SFMBT2: variants seen among roughly 807,000 people sequenced by gnomAD.
SFMBT2 encodes Scm like with four mbt domains 2, also known as scm-like with four MBT domains protein 2.
SFMBT2 carries 38 observed loss-of-function variants against 110.1 expected under a neutral mutation model. The ratio of observed to expected loss-of-function variants is 0.35; its 90% CI spans 0.27 to 0.45. SFMBT2 has a LOEUF of 0.45. Ranked by LOEUF, SFMBT2 falls within the 20% of genes least tolerant of loss-of-function variation. SFMBT2 has a pLI of 1.00. For missense variants in SFMBT2, 1,011 were observed against 1,094.9 expected, an observed-to-expected ratio of 0.92 and a Z score of 1.08; for synonymous variants, 425 against 425.4, an observed-to-expected ratio of 1.00 and a Z score of 0.01.
At chr10:7,360,807 G>C (rs1367152330) in intron 4 of SFMBT2, among the ~76,000 whole-genome samples, 1 of 152,164 alleles carries the variant, frequency 6.6e-6, no homozygotes, top group Non-Finnish European at 1.5e-5. Context: ...TGATCAGATA[G>C]AATTCAAAAC....
chr10:7,172,069 G>A lies in SFMBT2; in HGVS notation c.2241C>T (p.Thr747=). ...GGGCCGAGGGCACCTCCGCCGACGA[G>A]GTGTCCGTCTGGTCATCCCGGAGCT... ...GSELRDDQTD[T]SSAEVPSARP... is the part of the protein sequence containing the mutation. The change falls in exon 19 of 21, where the codon ACC becomes ACT. Residue 747 remains threonine (T), a synonymous_variant. Transcript: ENST00000397167. The surrounding 1 kb of genome is among the most constrained non-coding windows in gnomAD (Gnocchi z 4.6). 1 of 1,606,208 alleles carries A rather than the reference G, an allele frequency of 6.2e-7. No homozygotes were observed. The highest frequency in any genetic ancestry group is 2.2e-5 in the East Asian group (1 of 44,572).
chr10:7,252,167 A>G lies in SFMBT2; in HGVS notation c.871-3518T>C, dbSNP rs529183815. Among the ~76,000 whole-genome samples, 9 of 152,186 alleles carry G rather than the reference A, an allele frequency of 5.9e-5. No individual in the cohort carries two copies. The South Asian group carries it at 1.9e-3, about 32-fold the overall frequency. ...TTAGCCAAATCCACACCCATCTTTT[A>G]TCTCATACTCCAAGTCCTCTGGGAA... On this transcript the variant is annotated intron_variant, in intron 7 of 20. Transcript: ENST00000397167.
chr10:7,167,246 C>A (rs1837718592), intron 20 of SFMBT2, among the ~76,000 whole-genome samples: 1 of 152,094 alleles, frequency 6.6e-6, no homozygotes, highest in South Asian at 2.1e-4. Flanking sequence ...CTGTCTCTGA[C>A]TGATGAAAGC....
chr10:7,167,273 A>C (rs1301015007), intron 20 of SFMBT2, among the ~76,000 whole-genome samples: 1 of 152,140 alleles, frequency 6.6e-6, no homozygotes, highest in African/African-American at 2.4e-5. Flanking sequence ...CATAGGTAAA[A>C]TTTTATTTAG....
chr10:7,237,331 G>C (rs542606386), intron 9 of SFMBT2, among the ~76,000 whole-genome samples: 1 of 152,124 alleles, frequency 6.6e-6, no homozygotes, highest in East Asian at 1.9e-4. Context: ...CGTAAAGCAA[G>C]CAAAATGAAT....
chr10:7,349,595 T>A (rs1214624577), intron 4 of SFMBT2, among the ~76,000 whole-genome samples: 1 of 151,498 alleles, frequency 6.6e-6, no homozygotes, highest in African/African-American at 2.4e-5. Context: ...CTAGCTAGGA[T>A]TACAGGTGCC....
intron 7 of SFMBT2, among the ~76,000 whole-genome samples, chr10:7,258,737 C>T (rs929438955): frequency 6.6e-6 from 1 of 152,282 alleles, no homozygotes; most frequent in South Asian, 2.1e-4. Context: ...TGACCTAGTG[C>T]TCAGATGTTC....
rs539521161 is a variant in SFMBT2 at position 7,184,625 on chromosome 10, G to C, written c.1808+3999C>G. On this transcript the variant is annotated intron_variant, in intron 16 of 20. Transcript: ENST00000397167. ...AAAACAGAGTGAAAAAGCCAACACT[G>C]GTGTAACAATCCGTTTATAACCACC... 2.6e-5 allele frequency among the ~76,000 whole-genome samples: 4 copies of C among 152,200 alleles called. No individual in the cohort carries two copies. The East Asian group carries it at 7.7e-4, about 29-fold the overall frequency.
chr10:7,221,549 G>C (rs1839737958), intron 10 of SFMBT2, among the ~76,000 whole-genome samples: 1 of 148,012 alleles, frequency 6.8e-6, no homozygotes, highest in Non-Finnish European at 1.5e-5. Context: ...CTGGGCGACA[G>C]AGTGAGACTC....
chr10:7,368,373 T>C (rs1844969085), intron 3 of SFMBT2: 3 of 985,408 alleles, frequency 3.0e-6, no homozygotes, highest in Middle Eastern at 1.0e-3. Context: ...TGATAGTCTG[T>C]TGATATCTAC....
At chr10:7,214,110 G>A (rs1564387504) in intron 11 of SFMBT2, among the ~76,000 whole-genome samples, 4 of 134,620 alleles carry the variant, frequency 3.0e-5, no homozygotes, top group African/African-American at 1.1e-4. Context: ...CACCAAGGGT[G>A]GTAGAGAAAC....
chr10:7,176,294 T>G, intron 16 of SFMBT2, 129 bp from the exon 17 acceptor site: 1 of 1,068,356 alleles, frequency 9.4e-7, no homozygotes, highest in Non-Finnish European at 1.3e-6. Flanking sequence ...CAGTTTCCCA[T>G]GTTGCTTCTG....
At position 7,246,055 on chromosome 10, in the gene SFMBT2, G is replaced by A. The variant is rs144353210; in HGVS notation, c.973-2350C>T. On this transcript the variant is annotated intron_variant, in intron 8 of 20. Transcript: ENST00000397167. ...ACCTCATTACATGAAGATGAGTCTT[G>A]AACCTGGAGAGGTGCCTACCTAGGT... The A allele has an allele frequency of 8.3e-5, 43 of 515,938 alleles. No individual in the cohort carries two copies. In the African/African-American group the frequency reaches 8.5e-4, roughly 10 times the overall value. The allele number at this position is 515,938 out of a possible 1,614,324, so 32.0% of individuals were successfully genotyped here. A position where few individuals can be genotyped will look rare whatever the true frequency, so the allele number is the denominator to read the frequency against.
chr10:7,372,213 C>T (rs1360429100), intron 2 of SFMBT2, among the ~76,000 whole-genome samples: 5 of 152,134 alleles, frequency 3.3e-5, no homozygotes, highest in East Asian at 1.9e-4. Context: ...CCGCCACGCC[C>T]GGCCTTCTTG....
At position 7,241,717 on chromosome 10, in the gene SFMBT2, T is replaced by A. The variant is rs561402410; in HGVS notation, c.1120+1841A>T. 1.5e-3 allele frequency among the ~76,000 whole-genome samples: 222 copies of A among 152,320 alleles called. 1 individual carries two copies. Among genetic ancestry groups the A allele is most frequent in the African/African-American group, 5.1e-3 (211 of 41,578 alleles). ...ATATCATAAAACTCAAGTATCCAAA[T>A]AGGCACATCCATTTTCCTGGTGAAC... is the stretch of plus-strand genomic sequence containing the variant. On this transcript the variant is annotated intron_variant, in intron 9 of 20. Coordinates refer to ENST00000397167, the MANE Select transcript of SFMBT2 (RefSeq NM_001387889.1).
chr10:7,198,173 T>G, intron 14 of SFMBT2: 1 of 984,014 alleles, frequency 1.0e-6, no homozygotes, highest in Non-Finnish European at 1.2e-6. Flanking sequence ...CTGCAAGATA[T>G]TGTTTGTTTG....
chr10:7,182,831 C>T (rs1462460381), intron 16 of SFMBT2, among the ~76,000 whole-genome samples: 3 of 151,094 alleles, frequency 2.0e-5, no homozygotes, highest in Non-Finnish European at 4.4e-5. Flanking sequence ...CTAACCTGCA[C>T]ATTGTGCACA....
At chr10:7,235,591 C>A (rs1417226497) in intron 9 of SFMBT2, among the ~76,000 whole-genome samples, 1 of 151,562 alleles carries the variant, frequency 6.6e-6, no homozygotes, top group Non-Finnish European at 1.5e-5. Flanking sequence ...ACAGACGTAC[C>A]ACACATACAC....
At chr10:7,335,292 T>C (rs1588458626) in intron 4 of SFMBT2, among the ~76,000 whole-genome samples, 1 of 152,186 alleles carries the variant, frequency 6.6e-6, no homozygotes, top group East Asian at 1.9e-4. Context: ...TTGCAAATTG[T>C]ATGTTATGTC....
Sources: allele counts gnomAD v4.1 joint callset (sites outside exome capture counted in the v4.1 genomes callset), GRCh38; gene constraint gnomAD v4.1.1; non-coding constraint Gnocchi (gnomAD v3.1); transcripts MANE v1.5; gene names NCBI Gene and HGNC (gene_info 2026-07-23, HGNC 2026-07-21).